Variants in IGSF9B observed in about 807,000 individuals in gnomAD.
The protein encoded by IGSF9B is immunoglobulin superfamily member 9B.
Under a neutral mutation model 143.7 loss-of-function variants are expected in IGSF9B, and 48 were observed. That is an observed-to-expected ratio of 0.33 (90% CI 0.26 to 0.42). IGSF9B has a LOEUF of 0.42. Ranked by LOEUF, IGSF9B falls within the 20% of genes least tolerant of loss-of-function variation. IGSF9B has a pLI of 1.00. For synonymous variants in IGSF9B, 903 were observed against 833.1 expected (o/e 1.08, Z -1.44); for missense variants, 1,706 against 1,980.0 (o/e 0.86, Z 2.63).
chr11:133,909,421 G>C lies in IGSF9B; in HGVS notation c.4106-144C>G. 1 of 694,936 alleles carries C rather than the reference G, an allele frequency of 1.4e-6. No individual in the cohort carries two copies. The highest frequency in any genetic ancestry group is 2.4e-6 in the Non-Finnish European group (1 of 417,016). 43.0% of individuals were successfully genotyped at this position (694,936 alleles called of 1,614,324 possible). ...CACCTGAGTCTAGAGAGACCAGACC[G>C]AATTGCTGCAGAGAAACCACCTTCT... is the stretch of plus-strand genomic sequence containing the variant. On this transcript the variant is annotated intron_variant, in intron 19 of 19. Coordinates refer to ENST00000533871, the MANE Select transcript of IGSF9B (RefSeq NM_001277285.4). The surrounding 1 kb of genome is among the most constrained non-coding windows in gnomAD (Gnocchi z 4.2).
At chr11:133,956,657 AG>A (rs1178218037) in intron 1 of IGSF9B, 33 bp downstream of exon 1, 2 of 1,449,702 alleles carry the variant, frequency 1.4e-6, no homozygotes, top group Admixed American at 2.1e-5. Context: ...GGGCGCCGGG[AG>A]GGGCAGGGGA....
chr11:133,916,588 G>A (rs913717220), intron 18 of IGSF9B, among the ~76,000 whole-genome samples: 1 of 152,230 alleles, frequency 6.6e-6, no homozygotes, highest in African/African-American at 2.4e-5. Flanking sequence ...AGGCCCGGGA[G>A]AGAAACGATG....
At position 133,920,715 on chromosome 11, in the gene IGSF9B, C is replaced by T. The variant is rs371141922; in HGVS notation, c.3010G>A (p.Glu1004Lys). 4 of 1,612,880 alleles carry T rather than the reference C, an allele frequency of 2.5e-6. No homozygotes were observed. The highest frequency in any genetic ancestry group is 3.3e-5 in the Admixed American group (2 of 60,014). The part of the protein sequence containing the change: ...SVMSSPPLPT[E>K]GPFGHPTIPE... ...ATGGTGGGGTGGCCAAAGGGCCCCT[C>T]GGTGGGCAGGGGCGGGGACGACATG... Residue 1004 changes from glutamate (E) to lysine (K), a missense_variant, in exon 18 of 20, where the codon GAG becomes AAG. Transcript: ENST00000533871.
rs1275655887 is a variant in IGSF9B at position 133,902,844 on chromosome 11, A to T, written c.*6225T>A. Among the ~76,000 whole-genome samples the T allele has an allele frequency of 6.6e-6, 1 of 152,184 alleles. No individual in the cohort carries two copies. The highest frequency in any genetic ancestry group is 1.5e-5 in the Non-Finnish European group (1 of 68,028). On this transcript the variant is annotated 3_prime_UTR_variant, in exon 20 of 20. Coordinates refer to ENST00000533871, the MANE Select transcript of IGSF9B (RefSeq NM_001277285.4). ...GTGAGGAGGCTCATCCCTCCACCAG[A>T]AATACAGCTTCATAGACCACTATGC... is the stretch of plus-strand genomic sequence containing the variant.
chr11:133,924,990 G>T, intron 14 of IGSF9B, 86 bp from the exon 15 acceptor site: 1 of 1,160,432 alleles, frequency 8.6e-7, no homozygotes. Context: ...ACACAGCCTT[G>T]CAAAGGGCAG....
chr11:133,902,778 G>C lies in IGSF9B; in HGVS notation c.*6291C>G, dbSNP rs781662395. Among the ~76,000 whole-genome samples the C allele has an allele frequency of 6.6e-6, 1 of 152,154 alleles. No homozygotes were observed. Among genetic ancestry groups the C allele is most frequent in the Non-Finnish European group, 1.5e-5 (1 of 68,030 alleles). On this transcript the variant is annotated 3_prime_UTR_variant, in exon 20 of 20. Transcript: ENST00000533871. ...GAGGCCATATAAAACCTCATTGATA[G>C]AGTGGCTGACAACTACCCTTTCAAG...
chr11:133,935,787 G>A, intron 6 of IGSF9B, 25 bp from the exon 7 acceptor site: 1 of 1,605,522 alleles, frequency 6.2e-7, no homozygotes, highest in Non-Finnish European at 8.5e-7. Context: ...GGGGACAGGG[G>A]GTTGGGCGAG....
chr11:133,946,156 G>A lies in IGSF9B; in HGVS notation c.167C>T (p.Pro56Leu). ...DVIHPVTGQP[P>L]PYVVEWFKFG... is the part of the protein sequence containing the mutation. ...CTTGAACCACTCTACGACATAGGGT[G>A]GGGGCTGTCCCGTCACTGGGTGGAT... Residue 56 changes from proline (P) to leucine (L), a missense_variant, in exon 2 of 20, where the codon CCA (proline) becomes CTA (leucine). By Grantham distance (98) the Pro-to-Leu change is moderately conservative. Transcript: ENST00000533871. The A allele has an allele frequency of 6.2e-7, 1 of 1,613,176 alleles. No homozygotes were observed. Among genetic ancestry groups the A allele is most frequent in the Non-Finnish European group, 8.5e-7 (1 of 1,179,586 alleles).
intron 12 of IGSF9B, among the ~76,000 whole-genome samples, chr11:133,929,422 G>A (rs1591716471): frequency 6.6e-6 from 1 of 152,194 alleles, no homozygotes; most frequent in Admixed American, 6.5e-5. Flanking sequence ...CGTGAGCAGG[G>A]AGAGGGCACA....
intron 18 of IGSF9B, among the ~76,000 whole-genome samples, chr11:133,916,129 T>C (rs1364073371): frequency 6.6e-6 from 1 of 151,492 alleles, no homozygotes; most frequent in Non-Finnish European, 1.5e-5. Flanking sequence ...GGAAAGGGAG[T>C]GGAAGCAGAG....
Position 133,921,034 on chromosome 11 carries a change from C to T in IGSF9B, c.2691G>A (p.Glu897=). 3 of 1,613,730 alleles carry T rather than the reference C, an allele frequency of 1.9e-6. No individual in the cohort carries two copies. The highest frequency in any genetic ancestry group is 2.5e-6 in the Non-Finnish European group (3 of 1,179,766). Residue 897 remains glutamate, a synonymous_variant, in exon 18 of 20, where the codon GAG becomes GAA. Coordinates refer to ENST00000533871, the MANE Select transcript of IGSF9B (RefSeq NM_001277285.4). ...PEFRQSDEEN[E]DPLVPTSVAA... is the part of the protein sequence containing the mutation. ...CCACAGATGTGGGCACCAGTGGGTC[C>T]TCGTTCTCCTCGTCCGACTGGCGGA... is the stretch of plus-strand genomic sequence containing the variant.
rs1368827167 is a variant in IGSF9B at position 133,932,134 on chromosome 11, G to A, written c.1047C>T (p.Asp349=). The A allele has an allele frequency of 1.9e-5, 31 of 1,613,090 alleles. No homozygotes were observed. The highest frequency in any genetic ancestry group is 6.7e-5 in the African/African-American group (5 of 74,938). ...GIHGYIRCPV[D]AEPPATVVKW... ...TGACCACGGTGGCCGGTGGTTCTGCGTCCACAGGGCAGCGGATGTAGCCAT... is the reference window on the plus strand; with the variant it reads ...TGACCACGGTGGCCGGTGGTTCTGCATCCACAGGGCAGCGGATGTAGCCAT... The change falls in exon 8 of 20, where the codon GAC becomes GAT. Residue 349 remains aspartate, a synonymous_variant. Transcript: ENST00000533871.
At position 133,904,588 on chromosome 11, in the gene IGSF9B, G is replaced by C. The variant is rs2121258788; in HGVS notation, c.*4481C>G. Reference sequence around the variant, plus strand: ...TGCCCTGCATGGCTACCACTCCCCAGCCAGATGCCCACCAGGCAATCATTC... The same window carrying C: ...TGCCCTGCATGGCTACCACTCCCCACCCAGATGCCCACCAGGCAATCATTC... On this transcript the variant is annotated 3_prime_UTR_variant, in exon 20 of 20. Coordinates refer to ENST00000533871, the MANE Select transcript of IGSF9B (RefSeq NM_001277285.4). Among the ~76,000 whole-genome samples the C allele has an allele frequency of 6.6e-6, 1 of 152,080 alleles. No individual in the cohort carries two copies. The highest frequency in any genetic ancestry group is 1.5e-5 in the Non-Finnish European group (1 of 67,962).
intron 14 of IGSF9B, 37 bp from the exon 15 acceptor site, chr11:133,924,941 A>G (rs1309510033): frequency 6.5e-7 from 1 of 1,550,254 alleles, no homozygotes. Context: ...CAGCCGAGGG[A>G]CCTGAGATGA....
chr11:133,924,707 C>T (rs1939594737), intron 15 of IGSF9B, 113 bp downstream of exon 15: 2 of 882,262 alleles, frequency 2.3e-6, no homozygotes, highest in South Asian at 1.5e-5. Context: ...CAGGCACTGC[C>T]TTAGTTTCCA....
chr11:133,917,043 C>G (rs1264650645), intron 18 of IGSF9B, among the ~76,000 whole-genome samples: 2 of 152,178 alleles, frequency 1.3e-5, no homozygotes, highest in East Asian at 3.9e-4. Context: ...GGAGGCCACT[C>G]TTAGGAATGA....
rs771427444 is a variant in IGSF9B, at chr11:133,925,904, G to A, written c.1869C>T (p.Ala623=). The change falls in exon 14 of 20, where the codon GCC becomes GCT. Residue 623 remains alanine, a synonymous_variant. Coordinates refer to ENST00000533871, the MANE Select transcript of IGSF9B (RefSeq NM_001277285.4). ...GGAGCACACCCTGCTGAGTCCGATT[G>A]GCTATGAGGCACCTCGGTGGGGTGA... is the stretch of plus-strand genomic sequence containing the variant. ...VLVTPPRCLI[A]NRTQQGVLLS... is the part of the protein sequence containing the mutation. 8 of 1,612,138 alleles carry A rather than the reference G, an allele frequency of 5.0e-6. No homozygotes were observed. Among genetic ancestry groups the A allele is most frequent in the Non-Finnish European group, 6.8e-6 (8 of 1,179,082 alleles).
chr11:133,931,729 C>G lies in IGSF9B; in HGVS notation c.1177G>C (p.Gly393Arg). The G allele has an allele frequency of 6.2e-7, 1 of 1,612,012 alleles. No individual in the cohort carries two copies. The change falls in exon 9 of 20, where the codon GGC becomes CGC. Residue 393 changes from glycine (G) to arginine (R), a missense_variant. Transcript: ENST00000533871. This position sits in a 1 kb window ranked among gnomAD's most constrained non-coding sequence, Gnocchi z 7.7. ...RIEEATEEAL[G>R]TYTCVPYNTL... Reference sequence around the variant, plus strand: ...TTGTAAGGCACACAGGTATAAGTGCCAAGAGCCTCCTCTGTGGCCTCCTCA... The same window carrying G: ...TTGTAAGGCACACAGGTATAAGTGCGAAGAGCCTCCTCTGTGGCCTCCTCA...
In IGSF9B at chr11:133,946,086, C is replaced by G. The variant is rs10894768; in HGVS notation, c.237G>C (p.Pro79=). 0.3 allele frequency: 484,540 copies of G among 1,591,142 alleles called. 76,774 individuals are homozygous for G. The highest frequency in any genetic ancestry group is 0.59 in the East Asian group (25,659 of 43,826). Residue 79 remains proline (P), a synonymous_variant, in exon 2 of 20, where the codon CCG becomes CCC. Transcript: ENST00000533871. ...IPIFIKFGYY[P]PHVDPEYAGR... ...CTGCATACTCAGGGTCCACGTGCGG[C>G]GGGTAGTAGCCAAACTTGATGAAGA... is the stretch of plus-strand genomic sequence containing the variant.
Sources: gnomAD v4.1 joint callset for allele counts (sites outside exome capture counted in the v4.1 genomes callset) on GRCh38, gnomAD v4.1.1 for gene constraint, Gnocchi (gnomAD v3.1) non-coding constraint, MANE v1.5 for transcripts, NCBI Gene and HGNC (gene_info 2026-07-23, HGNC 2026-07-21) for gene names.